The following CCDC175 variants were observed in gnomAD, a reference collection of about 807,000 sequenced individuals.
CCDC175 encodes coiled-coil domain containing 175, also known as coiled-coil domain-containing protein 175.
CCDC175 carries 100 observed loss-of-function variants against 114.6 expected under a neutral mutation model. That is an observed-to-expected ratio of 0.87 (90% CI 0.74 to 1.03). The LOEUF (loss-of-function observed/expected upper bound fraction) is 1.03, where lower values mean the gene tolerates loss of function less well. Among genes scored for constraint, CCDC175 ranks in the 50% least tolerant of loss-of-function variants. The pLI is 0.00. For synonymous variants in CCDC175, 306 were observed against 308.7 expected (o/e 0.99, Z 0.09); for missense variants, 880 against 917.8 (o/e 0.96, Z 0.53).
intron 19 of CCDC175, 49 bp downstream of exon 19, chr14:59,510,597 T>C: frequency 1.3e-6 from 2 of 1,512,320 alleles, no homozygotes; most frequent in Non-Finnish European, 1.8e-6. Flanking sequence ...AGCTATATAG[T>C]AAAATAGCAG....
intron 7 of CCDC175, among the ~76,000 whole-genome samples, chr14:59,555,132 G>C (rs1895800423): frequency 6.6e-6 from 1 of 152,178 alleles, no homozygotes; most frequent in Non-Finnish European, 1.5e-5. Flanking sequence ...GCATCATCCT[G>C]ATACCAAAGC....
intron 3 of CCDC175, among the ~76,000 whole-genome samples, chr14:59,570,754 T>TTGTTTTC (rs1327968765): frequency 4.5e-4 from 68 of 152,202 alleles, no homozygotes; most frequent in Non-Finnish European, 1.9e-4. Context: ...TGTTTGTTTT[T>TTGTTTTC]GTTTTGAGAT....
intron 17 of CCDC175, among the ~76,000 whole-genome samples, chr14:59,513,105 G>C (rs138053707): frequency 2.0e-5 from 3 of 152,134 alleles, no homozygotes; most frequent in Admixed American, 2.0e-4. Flanking sequence ...AATAGTACTG[G>C]AACAACTGGA....
chr14:59,547,065 A>G (rs1895157154), intron 8 of CCDC175, among the ~76,000 whole-genome samples: 1 of 152,080 alleles, frequency 6.6e-6, no homozygotes, highest in South Asian at 2.1e-4. Context: ...CACAGGGAGA[A>G]TAGGACAAAA....
chr14:59,511,647 G>GGT, intron 18 of CCDC175, 113 bp downstream of exon 18: 1 of 379,170 alleles, frequency 2.6e-6, no homozygotes, highest in South Asian at 2.8e-5. Flanking sequence ...TTTCCACCCT[G>GGT]ATGCGTGCAT....
Position 59,554,808 on chromosome 14 carries a change from C to T in CCDC175, c.954-3372G>A, listed in dbSNP as rs536933629. On this transcript the variant is annotated intron_variant, in intron 7 of 19. Transcript: ENST00000537690. ...TATCACCACCGATCCCACAGAAATG[C>T]AAACTACCATCAGAGAATACTATAA... Among the ~76,000 whole-genome samples the T allele has an allele frequency of 2.6e-5, 4 of 152,216 alleles. No homozygotes were observed. In the East Asian group the frequency reaches 7.7e-4, roughly 29 times the overall value.
intron 2 of CCDC175, among the ~76,000 whole-genome samples, chr14:59,574,728 T>C (rs1897015095): frequency 6.6e-6 from 1 of 152,238 alleles, no homozygotes; most frequent in Non-Finnish European, 1.5e-5. Context: ...CATAAGCCCA[T>C]AATTTAGTTT....
intron 13 of CCDC175, among the ~76,000 whole-genome samples, chr14:59,535,134 T>C (rs1894316196): frequency 6.6e-6 from 1 of 152,142 alleles, no homozygotes; most frequent in Non-Finnish European, 1.5e-5. Flanking sequence ...AGGTTATTGG[T>C]GCTGATTATC....
intron 2 of CCDC175, among the ~76,000 whole-genome samples, chr14:59,573,372 C>T (rs1022955977): frequency 6.6e-6 from 1 of 151,896 alleles, no homozygotes; most frequent in Non-Finnish European, 1.5e-5. Context: ...TGAGAAACTG[C>T]CATTATATTT....
intron 19 of CCDC175, among the ~76,000 whole-genome samples, chr14:59,507,769 T>C (rs1892509667): frequency 6.6e-6 from 1 of 152,136 alleles, no homozygotes. Flanking sequence ...GTTTTATCAG[T>C]GGTATTTTAC....
intron 6 of CCDC175, among the ~76,000 whole-genome samples, 198 bp from the exon 7 acceptor site, chr14:59,561,426 AAAAC>A (rs1386012528): frequency 6.6e-6 from 1 of 152,196 alleles, no homozygotes; most frequent in Non-Finnish European, 1.5e-5. Context: ...TCATCAGAAA[AAAAC>A]AAAATTTAGA....
At chr14:59,521,491 C>T in intron 17 of CCDC175, 83 bp downstream of exon 17, 1 of 730,716 alleles carries the variant, frequency 1.4e-6, no homozygotes, top group South Asian at 1.8e-5. Context: ...CCTTAATAAG[C>T]TCCCTTTCAT....
chr14:59,538,173 GA>G lies in CCDC175; in HGVS notation c.1492-20del. The G allele has an allele frequency of 6.6e-7, 1 of 1,526,136 alleles. No homozygotes were observed. Among genetic ancestry groups the G allele is most frequent in the East Asian group, 2.5e-5 (1 of 40,518 alleles). The allele number at this position is 1,526,136 out of a possible 1,614,324, so 94.5% of individuals were successfully genotyped here. A position where few individuals can be genotyped will look rare whatever the true frequency, so the allele number is the denominator to read the frequency against. The stretch of plus-strand genomic sequence containing the variant: ...AACTGGTCTAATTAGAGAAAAATAA[GA>G]ATTTGTCATTTCTCTTGTAGTGATC... On this transcript the variant is annotated intron_variant, in intron 12 of 19. Transcript: ENST00000537690.
chr14:59,551,821 A>G (rs1566624217), intron 7 of CCDC175, among the ~76,000 whole-genome samples: 1 of 152,176 alleles, frequency 6.6e-6, no homozygotes, highest in African/African-American at 2.4e-5. Context: ...AGGAGATTAT[A>G]TCCCGCGCAT....
chr14:59,513,329 G>A (rs1253186591), intron 17 of CCDC175, among the ~76,000 whole-genome samples: 1 of 149,992 alleles, frequency 6.7e-6, no homozygotes. Context: ...GCAGGACAGT[G>A]GGTGCAGTGC....
At chr14:59,564,675 G>C (rs1453572774) in intron 5 of CCDC175, among the ~76,000 whole-genome samples, 1 of 152,082 alleles carries the variant, frequency 6.6e-6, no homozygotes, top group Non-Finnish European at 1.5e-5. Context: ...CAGCAGGGCT[G>C]GGCTGGTGCC....
chr14:59,534,462 T>C (rs1595017176), intron 13 of CCDC175, among the ~76,000 whole-genome samples: 1 of 152,330 alleles, frequency 6.6e-6, no homozygotes, highest in East Asian at 1.9e-4. Flanking sequence ...TTCCATTCAC[T>C]TCCTGTTGGT....
At chr14:59,565,549 A>T (rs1264394160) in intron 4 of CCDC175, among the ~76,000 whole-genome samples, 1 of 152,066 alleles carries the variant, frequency 6.6e-6, no homozygotes. Flanking sequence ...TCTACTAAAA[A>T]TACAAAAATT....
In CCDC175 at chr14:59,565,073, TTAGA is replaced by T. The variant is rs774983757; in HGVS notation, c.690_693del (p.Tyr230Ter). On this transcript the variant is annotated frameshift_variant, in exon 5 of 20. Coordinates refer to ENST00000537690, the MANE Select transcript of CCDC175 (RefSeq NM_001164399.2). LOFTEE classifies it high-confidence loss of function. ...TGTGCAGTCAACTCTTGTTTTCTTATTAGATATTCTGCCCTTTCTTTTTCCATTA... is the reference window on the plus strand; with the variant it reads ...TGTGCAGTCAACTCTTGTTTTCTTATTATTCTGCCCTTTCTTTTTCCATTA... 2 of 1,536,230 alleles carry T rather than the reference TTAGA, an allele frequency of 1.3e-6. No individual in the cohort carries two copies. The highest frequency in any genetic ancestry group is 2.4e-5 in the East Asian group (1 of 40,926).
Sources: allele counts gnomAD v4.1 joint callset (sites outside exome capture counted in the v4.1 genomes callset), GRCh38; gene constraint gnomAD v4.1.1; transcripts MANE v1.5; gene names NCBI Gene and HGNC (gene_info 2026-07-23, HGNC 2026-07-21).